The following SOCS2 variants were observed in gnomAD, a reference collection of about 807,000 sequenced individuals.
SOCS2 encodes suppressor of cytokine signaling 2.
SOCS2 carries 10 observed loss-of-function variants against 18.6 expected under a neutral mutation model. That is an observed-to-expected ratio of 0.54 (90% CI 0.33 to 0.91). SOCS2 has a LOEUF of 0.91. Among genes scored for constraint, SOCS2 ranks in the 40% least tolerant of loss-of-function variants. The pLI is 0.02. For synonymous variants in SOCS2, 104 were observed against 104.0 expected, an observed-to-expected ratio of 1.00 and a Z score of 0.00; for missense variants, 231 against 247.2, an observed-to-expected ratio of 0.93 and a Z score of 0.44.
chr12:93,622,268 T>G, the SOCS2 span, among the ~76,000 whole-genome samples: 1 of 152,186 alleles, frequency 6.6e-6, no homozygotes, highest in Non-Finnish European at 1.5e-5. Context: ...ATGATGTCAG[T>G]GGTGAGTGAT....
chr12:93,601,122 T>TTA, the SOCS2 span, among the ~76,000 whole-genome samples: 2 of 151,022 alleles, frequency 1.3e-5, no homozygotes, highest in African/African-American at 2.4e-5. Flanking sequence ...TTTTTTTTTT[T>TTA]AAATATACCT....
chr12:93,617,614 C>T, the SOCS2 span, among the ~76,000 whole-genome samples: 1 of 151,990 alleles, frequency 6.6e-6, no homozygotes. Context: ...TACTCTTCCA[C>T]TCTAAAGTGG....
chr12:93,614,400 TCTTTCTTTCTTTCTTTCTTC>T, the SOCS2 span, among the ~76,000 whole-genome samples: 3 of 141,702 alleles, frequency 2.1e-5, no homozygotes, highest in Non-Finnish European at 3.0e-5. Context: ...TTTCTTTCTT[TCTTTCTTTCTTTCTTTCTTC>T]CTTTCTTTCC....
At chr12:93,584,483 T>C (rs368337205), downstream of SOCS2, among the ~76,000 whole-genome samples, 10 of 152,140 alleles carry the variant, frequency 6.6e-5, no homozygotes, top group East Asian at 1.2e-3. Context: ...TCAAAAGCCA[T>C]GGTTTTCTCA....
At chr12:93,605,544 A>G in the SOCS2 span, among the ~76,000 whole-genome samples, 5 of 152,210 alleles carry the variant, frequency 3.3e-5, no homozygotes, top group African/African-American at 4.8e-5. Flanking sequence ...GCATATGGTG[A>G]GACAGTTTGA....
At chr12:93,572,391 T>G (rs1158138640), upstream of SOCS2, 1 of 333,832 alleles carries the variant, frequency 3.0e-6, no homozygotes, top group Non-Finnish European at 5.9e-6. The surrounding 1 kb of genome is among the most constrained non-coding windows in gnomAD (Gnocchi z 5.0). Flanking sequence ...TATTTGCTCT[T>G]CCTAGGTCGC....
the SOCS2 span, among the ~76,000 whole-genome samples, chr12:93,608,971 T>C: frequency 3.2e-4 from 48 of 152,302 alleles, no homozygotes; most frequent in South Asian, 5.2e-3. Flanking sequence ...TAATAAACAC[T>C]GTAAGAGGCC....
the SOCS2 span, among the ~76,000 whole-genome samples, chr12:93,614,539 CCTTCTTT>C: frequency 1.3e-4 from 11 of 82,534 alleles, no homozygotes; most frequent in Admixed American, 2.9e-4. Flanking sequence ...TTCCTTCCTT[CCTTCTTT>C]CTTTCTTTCT....
downstream of SOCS2, among the ~76,000 whole-genome samples, chr12:93,578,478 C>G (rs930224345): frequency 7.9e-5 from 12 of 152,116 alleles, no homozygotes; most frequent in Non-Finnish European, 8.8e-5. Flanking sequence ...CTGAAGTCTC[C>G]GTCTTTAAGT....
the SOCS2 span, among the ~76,000 whole-genome samples, chr12:93,617,859 C>T: frequency 0.015 from 2,314 of 152,210 alleles, 61 homozygotes; most frequent in African/African-American, 0.053. Flanking sequence ...CTAGTAACTC[C>T]GGCCTGGACA....
the SOCS2 span, among the ~76,000 whole-genome samples, chr12:93,594,047 A>G: frequency 6.6e-6 from 1 of 152,216 alleles, no homozygotes; most frequent in Non-Finnish European, 1.5e-5. Context: ...GATGTCCCCA[A>G]ATAGAATGTT....
At chr12:93,601,264 A>G in the SOCS2 span, among the ~76,000 whole-genome samples, 4 of 151,436 alleles carry the variant, frequency 2.6e-5, no homozygotes, top group African/African-American at 9.7e-5. Context: ...AAAATTTCAT[A>G]TTTATTTATT....
At chr12:93,595,127 G>T in the SOCS2 span, among the ~76,000 whole-genome samples, 4 of 152,218 alleles carry the variant, frequency 2.6e-5, no homozygotes, top group African/African-American at 9.6e-5. Flanking sequence ...TTTGTGAGGG[G>T]ACGGGGGGTG....
chr12:93,579,998 T>C (rs1392954441), downstream of SOCS2, among the ~76,000 whole-genome samples: 2 of 152,270 alleles, frequency 1.3e-5, no homozygotes, highest in Non-Finnish European at 2.9e-5. Context: ...TGATGTATTA[T>C]TCACGTGGCT....
Position 93,572,883 on chromosome 12 carries a change from G to T in SOCS2, c.-15G>T. On this transcript the variant is annotated 5_prime_UTR_variant, in exon 1 of 2. Coordinates refer to ENST00000551556, the MANE Select transcript of SOCS2 (RefSeq NM_001270471.2). This position sits in a 1 kb window ranked among gnomAD's most constrained non-coding sequence, Gnocchi z 5.0. The stretch of plus-strand genomic sequence containing the variant: ...TCGGGCGGCCACCTGTCTTTGCCGC[G>T]GTGACCCTTCTCTCATGACCCTGCG... 6.4e-7 allele frequency: 1 copy of T among 1,567,098 alleles called. No individual in the cohort carries two copies. Among genetic ancestry groups the T allele is most frequent in the Non-Finnish European group, 8.7e-7 (1 of 1,155,340 alleles).
chr12:93,598,815 G>A, the SOCS2 span, among the ~76,000 whole-genome samples: 7 of 152,180 alleles, frequency 4.6e-5, no homozygotes, highest in Non-Finnish European at 1.0e-4. Context: ...AGAGAGGTTT[G>A]TGGATAGGAT....
chr12:93,609,063 C>A, the SOCS2 span, among the ~76,000 whole-genome samples: 1 of 152,128 alleles, frequency 6.6e-6, no homozygotes, highest in Non-Finnish European at 1.5e-5. Flanking sequence ...AGTTCAAGAC[C>A]AGCCTGGGCA....
At chr12:93,619,859 GCTC>G in the SOCS2 span, among the ~76,000 whole-genome samples, 1 of 152,158 alleles carries the variant, frequency 6.6e-6, no homozygotes, top group Admixed American at 6.5e-5. Flanking sequence ...TTCAGCTCAT[GCTC>G]CTCCTCTTCA....
At chr12:93,615,832 G>C in the SOCS2 span, among the ~76,000 whole-genome samples, 1 of 152,198 alleles carries the variant, frequency 6.6e-6, no homozygotes, top group Admixed American at 6.5e-5. Context: ...CTGCCTTCAA[G>C]TGATCCTCCC....
Sources: allele counts gnomAD v4.1 joint callset (sites outside exome capture counted in the v4.1 genomes callset), GRCh38; gene constraint gnomAD v4.1.1; non-coding constraint Gnocchi (gnomAD v3.1); transcripts MANE v1.5; gene names NCBI Gene and HGNC (gene_info 2026-07-23, HGNC 2026-07-21).